DSP: variants seen among roughly 807,000 people sequenced by gnomAD.
DSP encodes desmoplakin.
DSP carries 114 observed loss-of-function variants against 290.6 expected under a neutral mutation model. The observed-to-expected ratio is 0.39, with a 90% CI of 0.34 to 0.46. DSP has a LOEUF of 0.46. Ranked by LOEUF, DSP falls within the 20% of genes least tolerant of loss-of-function variation. DSP has a pLI of 0.99. For missense variants in DSP, 3,230 were observed against 3,495.8 expected (o/e 0.92, Z 1.92); for synonymous variants, 1,311 against 1,316.4 (o/e 1.00, Z 0.09).
At position 7,579,722 on chromosome 6, in the gene DSP, C is replaced by G. The variant is rs1481963016; in HGVS notation, c.3532C>G (p.Leu1178Val). Residue 1178 changes from leucine to valine, a missense_variant, in exon 23 of 24, where the codon CTG becomes GTG. Physicochemically the swap from Leu to Val is conservative, Grantham distance 32 (BLOSUM62 1). Coordinates refer to ENST00000379802, the MANE Select transcript of DSP (RefSeq NM_004415.4). This position sits in a 1 kb window ranked among gnomAD's most constrained non-coding sequence, Gnocchi z 4.1. ...EYEIERLRVL[L>V]QEEGTRKREY... ...CGAGATTGAAAGGTTGAGGGTTCTACTGCAGGAAGAAGGCACCCGGAAGAG... is the reference window on the plus strand; with the variant it reads ...CGAGATTGAAAGGTTGAGGGTTCTAGTGCAGGAAGAAGGCACCCGGAAGAG... 8 of 1,613,494 alleles carry G rather than the reference C, an allele frequency of 5.0e-6. No individual in the cohort carries two copies. Among genetic ancestry groups the G allele is most frequent in the Non-Finnish European group, 6.8e-6 (8 of 1,179,786 alleles).
In DSP at chr6:7,565,095, G is replaced by A. The variant is rs1169598483; in HGVS notation, c.778-264G>A. Among the ~76,000 whole-genome samples the A allele has an allele frequency of 6.6e-6, 1 of 152,038 alleles. No homozygotes were observed. Among genetic ancestry groups the A allele is most frequent in the Non-Finnish European group, 1.5e-5 (1 of 68,008 alleles). On this transcript the variant is annotated intron_variant, in intron 6 of 23. Transcript: ENST00000379802. The surrounding 1 kb of genome is among the most constrained non-coding windows in gnomAD (Gnocchi z 4.2). ...GGAGGGGGAGGTTGCAGTGAACCGA[G>A]ATCGCTCATGCCACTGCACTCCAGC... is the stretch of plus-strand genomic sequence containing the variant.
intron 1 of DSP, among the ~76,000 whole-genome samples, chr6:7,554,257 T>G (rs778061297): frequency 4.6e-5 from 7 of 152,206 alleles, no homozygotes; most frequent in Non-Finnish European, 8.8e-5. Flanking sequence ...TGGTCTGCTT[T>G]AAATCTCTCT....
intron 1 of DSP, among the ~76,000 whole-genome samples, chr6:7,542,369 C>A (rs961909422): frequency 6.6e-6 from 1 of 152,160 alleles, no homozygotes; most frequent in Non-Finnish European, 1.5e-5. Flanking sequence ...CGGGGCTGTC[C>A]CCTGCCTGCT....
rs1280322841 is a variant in DSP, at chr6:7,574,147, C to A, written c.2192C>A (p.Ala731Asp). 6 of 1,613,946 alleles carry A rather than the reference C, an allele frequency of 3.7e-6. No homozygotes were observed. Among genetic ancestry groups the A allele is most frequent in the Non-Finnish European group, 5.1e-6 (6 of 1,179,974 alleles). Residue 731 changes from alanine to aspartate, a missense_variant, in exon 16 of 24, where the codon GCC becomes GAC. Ala to Asp is a moderately radical substitution (Grantham distance 126, BLOSUM62 -2). Around this residue, in one of 5 missense-constraint regions of DSP, gnomAD observed 1,714 missense variants for 1,844.5 expected, o/e 0.93. Coordinates refer to ENST00000379802, the MANE Select transcript of DSP (RefSeq NM_004415.4). ...EVLNQLKDML[A>D]NFRGSEKYCY... ...CTCAACCAGCTTAAAGATATGCTTG[C>A]CAACTTCAGAGGTTCTGAAAAGTAC...
At chr6:7,570,191 A>G (rs1230958031) in intron 12 of DSP, among the ~76,000 whole-genome samples, 4 of 152,222 alleles carry the variant, frequency 2.6e-5, no homozygotes, top group African/African-American at 9.7e-5. Context: ...AAAGTTGCCG[A>G]AAAACAAGAC....
intron 20 of DSP, among the ~76,000 whole-genome samples, chr6:7,577,450 T>C (rs909868218): frequency 2.6e-5 from 4 of 152,174 alleles, no homozygotes; most frequent in Admixed American, 2.6e-4. Flanking sequence ...CGCCTCAGCT[T>C]CCTGAGTAGC....
chr6:7,568,039 C>A, intron 10 of DSP, 133 bp downstream of exon 10: 2 of 1,335,068 alleles, frequency 1.5e-6, no homozygotes, highest in Non-Finnish European at 2.1e-6. Flanking sequence ...TTTTCTTCAG[C>A]TTCCAGTGGC....
In DSP at chr6:7,554,716, C is replaced by T. The variant is rs536524388; in HGVS notation, c.171-1002C>T. On this transcript the variant is annotated intron_variant, in intron 1 of 23. Coordinates refer to ENST00000379802, the MANE Select transcript of DSP (RefSeq NM_004415.4). ...CAAGAGTGCAGTGCTGTGATCATAG[C>T]TCACTGTAGCCTCCAACTCGTGGGC... Among the ~76,000 whole-genome samples the T allele has an allele frequency of 5.9e-5, 9 of 152,332 alleles. No homozygotes were observed. In the South Asian group the frequency reaches 1.9e-3, roughly 32 times the overall value.
In DSP at chr6:7,560,791, A is replaced by C. The variant is rs1288987497; in HGVS notation, c.597+1391A>C. ...TCCAATCAAATTAGTTTGAAATGTC[A>C]TATCTCCTAAAGTTTTCTTAGTATG... On this transcript the variant is annotated intron_variant, in intron 4 of 23. Transcript: ENST00000379802. Among the ~76,000 whole-genome samples, 3 of 152,204 alleles carry C rather than the reference A, an allele frequency of 2.0e-5. No individual in the cohort carries two copies. The South Asian group carries it at 6.2e-4, about 31-fold the overall frequency.
chr6:7,569,813 A>G (rs1159868140), intron 12 of DSP, among the ~76,000 whole-genome samples: 1 of 133,988 alleles, frequency 7.5e-6, no homozygotes, highest in African/African-American at 2.9e-5. Flanking sequence ...CAGCCTGGGC[A>G]ACGAGAGCAA....
rs766950975 is a variant in DSP, at chr6:7,583,607, G to T, written c.6345G>T (p.Leu2115Phe). 29 of 1,614,020 alleles carry T rather than the reference G, an allele frequency of 1.8e-5. No homozygotes were observed. The highest frequency in any genetic ancestry group is 1.0e-5 in the Non-Finnish European group (12 of 1,180,030). The change falls in exon 24 of 24, where the codon TTG becomes TTT. Residue 2115 changes from leucine to phenylalanine, a missense_variant. Physicochemically the swap from Leu to Phe is conservative, Grantham distance 22. This residue lies in a region of DSP where 1,714 missense variants were observed against 1,844.5 expected (regional missense o/e 0.93). Transcript: ENST00000379802. This position sits in a 1 kb window ranked among gnomAD's most constrained non-coding sequence, Gnocchi z 4.0. ...TTTCAGAAGCCATCAAGAAAAATTT[G>T]ATTGATAGAGAAACCGGAATGCGCC... The part of the protein sequence containing the change: ...VSVSEAIKKN[L>F]IDRETGMRLL...
In DSP at chr6:7,585,731, GGGGTCCCGCTCC is replaced by G. The variant is rs397516967; in HGVS notation, c.8472_8483del (p.Ser2843_Arg2846del). The G allele has an allele frequency of 4.1e-5, 66 of 1,612,030 alleles. No individual in the cohort carries two copies. Among genetic ancestry groups the G allele is most frequent in the African/African-American group, 3.6e-4 (27 of 74,814 alleles). ...GCCCTTACAACATGTCTTCGGCTCC[GGGGTCCCGCTCC>G]GGCTCCCGCTCGGGATCTCGCTCCG... On this transcript the variant is annotated inframe_deletion, in exon 24 of 24. Transcript: ENST00000379802.
At chr6:7,553,283 A>T (rs1758396765) in intron 1 of DSP, among the ~76,000 whole-genome samples, 1 of 152,054 alleles carries the variant, frequency 6.6e-6, no homozygotes. Flanking sequence ...TCAGTTTGTG[A>T]TTGTTTTTAC....
At chr6:7,557,084 A>C (rs1038811746) in intron 2 of DSP, among the ~76,000 whole-genome samples, 1 of 152,250 alleles carries the variant, frequency 6.6e-6, no homozygotes, top group Non-Finnish European at 1.5e-5. Context: ...TGTTTAGAGA[A>C]AAGAGGTTCA....
In DSP at chr6:7,565,135, C is replaced by T. The variant is rs190692676; in HGVS notation, c.778-224C>T. On this transcript the variant is annotated intron_variant, in intron 6 of 23. Coordinates refer to ENST00000379802, the MANE Select transcript of DSP (RefSeq NM_004415.4). The surrounding 1 kb of genome is among the most constrained non-coding windows in gnomAD (Gnocchi z 4.2). ...TGCACTCCAGCCTGGGAGACGAGAG[C>T]GACAGTCCGTCTCAAAAAAAAAAAA... is the stretch of plus-strand genomic sequence containing the variant. Among the ~76,000 whole-genome samples the T allele has an allele frequency of 3.7e-3, 557 of 151,734 alleles. 4 individuals are homozygous for T. Among genetic ancestry groups the T allele is most frequent in the African/African-American group, 0.013 (543 of 41,382 alleles).
At position 7,551,134 on chromosome 6, in the gene DSP, C is replaced by T. The variant is rs1758329668; in HGVS notation, c.171-4584C>T. On this transcript the variant is annotated intron_variant, in intron 1 of 23. Coordinates refer to ENST00000379802, the MANE Select transcript of DSP (RefSeq NM_004415.4). Reference sequence around the variant, plus strand: ...TTAACATAGACATTTGTATTATTTTCAGTAAGGAAGAATGAGTTTGGTCAT... The same window carrying T: ...TTAACATAGACATTTGTATTATTTTTAGTAAGGAAGAATGAGTTTGGTCAT... 4.0e-5 allele frequency among the ~76,000 whole-genome samples: 6 copies of T among 151,898 alleles called. No homozygotes were observed. In the South Asian group the frequency reaches 1.2e-3, roughly 32 times the overall value.
chr6:7,548,591 AAC>A (rs1241217279), intron 1 of DSP, among the ~76,000 whole-genome samples: 9 of 152,262 alleles, frequency 5.9e-5, no homozygotes, highest in Non-Finnish European at 1.2e-4. Context: ...CAATCTGCCA[AAC>A]ACACAGTGTG....
At position 7,565,779 on chromosome 6, in the gene DSP, C is replaced by T. The variant is rs766748322; in HGVS notation, c.939+259C>T. 2 of 479,280 alleles carry T rather than the reference C, an allele frequency of 4.2e-6. No individual in the cohort carries two copies. The highest frequency in any genetic ancestry group is 2.0e-5 in the South Asian group (1 of 49,254). The allele number at this position is 479,280 out of a possible 1,614,324, so 29.7% of individuals were successfully genotyped here. ...GAGTGGGAACTAAATGATGAGAATA[C>T]ATGGATACATCGAGGGCAACAACAC... On this transcript the variant is annotated intron_variant, in intron 7 of 23. Transcript: ENST00000379802. The surrounding 1 kb of genome is among the most constrained non-coding windows in gnomAD (Gnocchi z 4.2).
rs1757986201 is a variant in DSP, at chr6:7,541,894, G to C, written c.-22G>C. 1 of 1,601,838 alleles carries C rather than the reference G, an allele frequency of 6.2e-7. No individual in the cohort carries two copies. The highest frequency in any genetic ancestry group is 8.5e-7 in the Non-Finnish European group (1 of 1,176,310). Reference sequence around the variant, plus strand: ...CTCGCTTATGCCTCGGCGCTGAGCCGCTCTCCCGATTGCCCGCCGACATGA... The same window carrying C: ...CTCGCTTATGCCTCGGCGCTGAGCCCCTCTCCCGATTGCCCGCCGACATGA... On this transcript the variant is annotated 5_prime_UTR_variant, in exon 1 of 24. Coordinates refer to ENST00000379802, the MANE Select transcript of DSP (RefSeq NM_004415.4).
Sources: allele counts gnomAD v4.1 joint callset (sites outside exome capture counted in the v4.1 genomes callset), GRCh38; gene constraint gnomAD v4.1.1; regional missense constraint gnomAD v4.1.1; non-coding constraint Gnocchi (gnomAD v3.1); transcripts MANE v1.5; gene names NCBI Gene and HGNC (gene_info 2026-07-23, HGNC 2026-07-21).